Variants in IL1RAPL1 observed in about 807,000 individuals in gnomAD.
IL1RAPL1 encodes the protein interleukin 1 receptor accessory protein like 1, also known as interleukin-1 receptor accessory protein-like 1.
Under a neutral mutation model 48.4 loss-of-function variants are expected in IL1RAPL1, and 3 were observed. That is an observed-to-expected ratio of 0.06 (90% CI 0.03 to 0.16). The LOEUF is 0.16. IL1RAPL1 is among the 10% of genes least tolerant of loss of function. IL1RAPL1 has a pLI of 1.00. For synonymous variants in IL1RAPL1, 185 were observed against 187.7 expected, an observed-to-expected ratio of 0.99 and a Z score of 0.12; for missense variants, 349 against 530.6, an observed-to-expected ratio of 0.66 and a Z score of 3.36.
chrX:29,294,966 G>A (rs1932428132), intron 3 of IL1RAPL1, among the ~76,000 whole-genome samples: 1 of 111,292 alleles, frequency 9.0e-6, no homozygotes, highest in Non-Finnish European at 1.9e-5. Context: ...CAGTTTTCCT[G>A]GAAGTACCTT....
At chrX:28,659,551 G>A (rs983322409) in intron 1 of IL1RAPL1, 1 of 431,537 alleles carries the variant, frequency 2.3e-6, no homozygotes, top group African/African-American at 2.5e-5. Context: ...CTAGAGGCGA[G>A]CTAGAGACTG....
intron 2 of IL1RAPL1, among the ~76,000 whole-genome samples, chrX:28,921,179 A>C (rs1262652091): frequency 9.0e-6 from 1 of 111,117 alleles, no homozygotes; most frequent in Non-Finnish European, 1.9e-5. Flanking sequence ...AAGTCTGTGG[A>C]GTTGGGACAA....
intron 3 of IL1RAPL1, among the ~76,000 whole-genome samples, chrX:29,299,987 T>A (rs1407711401): frequency 9.0e-6 from 1 of 111,484 alleles, no homozygotes; most frequent in African/African-American, 3.3e-5. Flanking sequence ...CACATCCACC[T>A]TTTTTCTCTT....
At chrX:29,002,469 C>A (rs985009606) in intron 2 of IL1RAPL1, among the ~76,000 whole-genome samples, 2 of 108,697 alleles carry the variant, frequency 1.8e-5, no homozygotes, top group South Asian at 4.0e-4. Flanking sequence ...GTTACACAGG[C>A]CTGTTCATGT....
intron 5 of IL1RAPL1, among the ~76,000 whole-genome samples, chrX:29,633,466 TATACACAC>T (rs1403918250): frequency 7.1e-5 from 7 of 98,674 alleles, no homozygotes; most frequent in African/African-American, 2.5e-4. Flanking sequence ...TCGATATATA[TATACACAC>T]ACACACACAC....
intron 1 of IL1RAPL1, among the ~76,000 whole-genome samples, chrX:28,676,977 T>C (rs1444475285): frequency 6.3e-5 from 7 of 111,471 alleles, no homozygotes; most frequent in Non-Finnish European, 1.9e-5. Context: ...ACACAGCTAA[T>C]AAATAGTGTA....
intron 2 of IL1RAPL1, among the ~76,000 whole-genome samples, chrX:29,045,811 C>A (rs752085668): frequency 9.0e-6 from 1 of 111,063 alleles, no homozygotes; most frequent in East Asian, 2.8e-4. Flanking sequence ...CTACTTATTG[C>A]ATACTAGTCT....
intron 2 of IL1RAPL1, among the ~76,000 whole-genome samples, chrX:29,020,538 A>G (rs1417136701): frequency 8.9e-6 from 1 of 112,201 alleles, no homozygotes; most frequent in African/African-American, 3.2e-5. Context: ...TGTGATATTC[A>G]CATGACGATG....
chrX:29,357,923 T>G (rs187250567), intron 3 of IL1RAPL1, among the ~76,000 whole-genome samples: 77 of 111,638 alleles, frequency 6.9e-4, no homozygotes, highest in Admixed American at 5.8e-3. Flanking sequence ...AACAAAAGGG[T>G]ATGATCTAGT....
At chrX:29,639,545 G>GTTT (rs10719537) in intron 5 of IL1RAPL1, among the ~76,000 whole-genome samples, 1 of 76,653 alleles carries the variant, frequency 1.3e-5, no homozygotes. Flanking sequence ...ATAATTAAAA[G>GTTT]TTTTTTTTTT....
intron 2 of IL1RAPL1, among the ~76,000 whole-genome samples, chrX:28,839,129 G>T (rs987606020): frequency 1.8e-5 from 2 of 111,667 alleles, no homozygotes; most frequent in African/African-American, 3.2e-5. Context: ...GCGAACACTT[G>T]GAATTTTTAT....
chrX:29,918,144 AATATAT>A lies in IL1RAPL1; in HGVS notation c.911+570_911+575del, dbSNP rs748970921. ...TCTCCAAAAAAAAAAAAAAAAAAAA[AATATAT>A]ATATATATATATATATATATAGTGA... On this transcript the variant is annotated intron_variant, in intron 7 of 10. Transcript: ENST00000378993. Among the ~76,000 whole-genome samples the A allele has an allele frequency of 1.3e-3, 30 of 23,754 alleles. 1 individual carries two copies. Among genetic ancestry groups the A allele is most frequent in the African/African-American group, 4.3e-3 (18 of 4,149 alleles). The allele number at this position is 23,754 out of a possible 115,157, so 20.6% of individuals were successfully genotyped here.
intron 3 of IL1RAPL1, among the ~76,000 whole-genome samples, chrX:29,374,797 A>C (rs1218054952): frequency 9.0e-6 from 1 of 110,934 alleles, no homozygotes; most frequent in African/African-American, 3.3e-5. Context: ...AGTTAGAGAC[A>C]GGACAGGACA....
intron 3 of IL1RAPL1, among the ~76,000 whole-genome samples, chrX:29,315,221 A>G (rs1932764621): frequency 8.9e-6 from 1 of 112,296 alleles, no homozygotes; most frequent in Non-Finnish European, 1.9e-5. Context: ...GATCAGCAGA[A>G]GATGAGTTCG....
intron 2 of IL1RAPL1, among the ~76,000 whole-genome samples, chrX:29,207,794 A>G (rs947728131): frequency 8.9e-6 from 1 of 112,240 alleles, no homozygotes; most frequent in Non-Finnish European, 1.9e-5. Context: ...TAAAGAGTGA[A>G]CTACTAAATT....
chrX:28,607,681 G>A (rs769176641), intron 1 of IL1RAPL1, among the ~76,000 whole-genome samples: 6 of 110,567 alleles, frequency 5.4e-5, no homozygotes, highest in East Asian at 2.9e-4. Flanking sequence ...ATTGCCACTC[G>A]TGCCTACTTT....
intron 2 of IL1RAPL1, among the ~76,000 whole-genome samples, chrX:28,792,479 A>G (rs976676498): frequency 4.6e-5 from 5 of 108,846 alleles, no homozygotes; most frequent in Non-Finnish European, 9.5e-5. Context: ...CTGTTAATTT[A>G]AGGAACAGAT....
intron 2 of IL1RAPL1, among the ~76,000 whole-genome samples, chrX:28,964,292 A>T (rs1024526698): frequency 9.0e-6 from 1 of 111,523 alleles, no homozygotes; most frequent in African/African-American, 3.3e-5. Flanking sequence ...ATACAGACAT[A>T]TGTCTATTAA....
At chrX:29,300,479 C>G (rs1302290257) in intron 3 of IL1RAPL1, among the ~76,000 whole-genome samples, 1 of 112,242 alleles carries the variant, frequency 8.9e-6, no homozygotes, top group Non-Finnish European at 1.9e-5. Context: ...TTAGTGCAAA[C>G]TATTTACCTC....
Sources: allele counts gnomAD v4.1 joint callset (sites outside exome capture counted in the v4.1 genomes callset), GRCh38; gene constraint gnomAD v4.1.1; transcripts MANE v1.5; gene names NCBI Gene and HGNC (gene_info 2026-07-23, HGNC 2026-07-21).